Variants in STARD13 observed in about 807,000 individuals in gnomAD.
STARD13 encodes StAR related lipid transfer domain containing 13.
In STARD13, 62 loss-of-function variants were observed where a neutral mutation model predicts 106.4. The ratio of observed to expected loss-of-function variants is 0.58; its 90% CI spans 0.48 to 0.72. The LOEUF (loss-of-function observed/expected upper bound fraction) is 0.72. Ranked by LOEUF, STARD13 falls within the 30% of genes least tolerant of loss-of-function variation. The probability of loss-of-function intolerance (pLI) is 0.00; values close to 1 mark genes in which losing one functional copy is unlikely to be tolerated. For missense variants in STARD13, 1,387 were observed against 1,424.0 expected (o/e 0.97, Z 0.42); for synonymous variants, 565 against 553.0 (o/e 1.02, Z -0.31).
At chr13:33,674,817 T>C in the STARD13 span, among the ~76,000 whole-genome samples, 1 of 152,216 alleles carries the variant, frequency 6.6e-6, no homozygotes, top group Non-Finnish European at 1.5e-5. Context: ...TTTCATTTTA[T>C]TAAAACAAGA....
At chr13:33,217,606 G>A (rs1888118530) in intron 1 of STARD13, among the ~76,000 whole-genome samples, 1 of 152,134 alleles carries the variant, frequency 6.6e-6, no homozygotes, top group African/African-American at 2.4e-5. Flanking sequence ...ACTTAGCGCT[G>A]CATGAGCTCA....
intron 3 of STARD13, among the ~76,000 whole-genome samples, chr13:33,163,468 T>C (rs1289717915): frequency 2.0e-5 from 3 of 151,048 alleles, no homozygotes; most frequent in African/African-American, 7.3e-5. Flanking sequence ...CATATGCCTG[T>C]AGTCCCAGCT....
chr13:33,534,669 A>T, the STARD13 span, among the ~76,000 whole-genome samples: 1 of 152,180 alleles, frequency 6.6e-6, no homozygotes, highest in Non-Finnish European at 1.5e-5. Context: ...TGATTATAGA[A>T]CATTTCAGTG....
At chr13:33,274,100 T>TTC (rs1487563525) in intron 1 of STARD13, 2 of 151,562 alleles carry the variant, frequency 1.3e-5, no homozygotes, top group Non-Finnish European at 2.9e-5. Context: ...GTCTTTTTTT[T>TTC]TTTTGATGTA....
At chr13:33,248,392 CT>C (rs1470039634) in intron 1 of STARD13, among the ~76,000 whole-genome samples, 1 of 152,184 alleles carries the variant, frequency 6.6e-6, no homozygotes, top group Non-Finnish European at 1.5e-5. Context: ...ATTTAATAGA[CT>C]TTTAATAACA....
At chr13:33,638,755 G>A in the STARD13 span, among the ~76,000 whole-genome samples, 1 of 152,186 alleles carries the variant, frequency 6.6e-6, no homozygotes, top group African/African-American at 2.4e-5. Context: ...AGTACGTCCT[G>A]AACTAGTTTT....
At chr13:33,564,912 G>C in the STARD13 span, among the ~76,000 whole-genome samples, 1 of 142,914 alleles carries the variant, frequency 7.0e-6, no homozygotes, top group Non-Finnish European at 1.5e-5. Flanking sequence ...AGAATGGCTT[G>C]AACCTGGGAG....
Position 33,124,178 on chromosome 13 carries a change from T to C in STARD13, c.2082+1903A>G, listed in dbSNP as rs77899909. On this transcript the variant is annotated intron_variant, in intron 7 of 13. Transcript: ENST00000336934. ...CTTATGTTTCTCTAGTTCTCCCCTT[T>C]TCCTTCCTATTACCACCTTCCTTTT... Among the ~76,000 whole-genome samples, 307 of 152,314 alleles carry C rather than the reference T, an allele frequency of 2.0e-3. 1 individual carries two copies. Among genetic ancestry groups the C allele is most frequent in the African/African-American group, 7.0e-3 (291 of 41,556 alleles).
In STARD13 at chr13:33,350,229, C is replaced by G. The variant is rs1031612299; in HGVS notation, c.124+61G>C. ...AGCAGAGGAGGGCGGCGGGCCCGGGCGGGCTACGGGGCCGGCGCCTCCCCC... is the reference window on the plus strand; with the variant it reads ...AGCAGAGGAGGGCGGCGGGCCCGGGGGGGCTACGGGGCCGGCGCCTCCCCC... On this transcript the variant is annotated intron_variant, in intron 1 of 1. Coordinates refer to the STARD13 transcript ENST00000439831. 7 of 1,462,654 alleles carry G rather than the reference C, an allele frequency of 4.8e-6. No homozygotes were observed. The South Asian group carries it at 8.2e-5, about 17-fold the overall frequency. The allele number at this position is 1,462,654 out of a possible 1,614,324, so 90.6% of individuals were successfully genotyped here. A position where few individuals can be genotyped will look rare whatever the true frequency, so the allele number is the denominator to read the frequency against.
At chr13:33,122,832 A>C (rs1876547593) in intron 7 of STARD13, among the ~76,000 whole-genome samples, 1 of 152,076 alleles carries the variant, frequency 6.6e-6, no homozygotes, top group Non-Finnish European at 1.5e-5. Context: ...AGGCGGGTGG[A>C]TCACCTGAGG....
chr13:33,330,138 T>C (rs2077820564), intron 1 of STARD13, among the ~76,000 whole-genome samples: 1 of 152,256 alleles, frequency 6.6e-6, no homozygotes, highest in Non-Finnish European at 1.5e-5. Context: ...CTTGATCATA[T>C]GTTCCATTCT....
chr13:33,571,048 T>G, the STARD13 span, among the ~76,000 whole-genome samples: 15 of 152,188 alleles, frequency 9.9e-5, no homozygotes, highest in South Asian at 4.1e-4. Context: ...AATCCTTTGG[T>G]AAAGACTCTA....
intron 1 of STARD13, among the ~76,000 whole-genome samples, chr13:33,334,700 A>G (rs1294049988): frequency 6.6e-6 from 1 of 152,188 alleles, no homozygotes; most frequent in Non-Finnish European, 1.5e-5. Flanking sequence ...GAGAGAGATA[A>G]AGGTATCTGA....
the STARD13 span, among the ~76,000 whole-genome samples, chr13:33,555,559 A>G: frequency 7.9e-5 from 12 of 152,328 alleles, no homozygotes; most frequent in East Asian, 1.9e-3. Flanking sequence ...TAAGCTGCTG[A>G]TCATCCCAAA....
rs148735833 is a variant in STARD13, at chr13:33,162,844, C to G, written c.323+2493G>C. 3.7e-3 allele frequency among the ~76,000 whole-genome samples: 568 copies of G among 152,222 alleles called. 1 individual carries two copies. Among genetic ancestry groups the G allele is most frequent in the Non-Finnish European group, 6.4e-3 (435 of 68,014 alleles). ...TGTCTTCTTCTGAGCCTTCCACACTCTTTCAACTTCTGCCTGATACCCAGT... is the reference window on the plus strand; with the variant it reads ...TGTCTTCTTCTGAGCCTTCCACACTGTTTCAACTTCTGCCTGATACCCAGT... On this transcript the variant is annotated intron_variant, in intron 3 of 13. Coordinates refer to ENST00000336934, the MANE Select transcript of STARD13 (RefSeq NM_178006.4).
chr13:33,143,265 T>C (rs541971220), intron 3 of STARD13, among the ~76,000 whole-genome samples: 2 of 152,342 alleles, frequency 1.3e-5, no homozygotes, highest in East Asian at 1.9e-4. Context: ...AGCATTTCTT[T>C]CATTTCGTTG....
the STARD13 span, among the ~76,000 whole-genome samples, chr13:33,652,105 G>A: frequency 4.0e-4 from 61 of 152,282 alleles, 1 homozygote; most frequent in African/African-American, 1.3e-3. Context: ...AATGCTTATT[G>A]TTTCAATCCA....
Position 33,115,635 on chromosome 13 carries a change from G to C in STARD13, c.2281+2430C>G, listed in dbSNP as rs549950067. On this transcript the variant is annotated intron_variant, in intron 8 of 13. Coordinates refer to ENST00000336934, the MANE Select transcript of STARD13 (RefSeq NM_178006.4). ...CTCAGACCCAGGGATGAACCATGCT[G>C]CCCTAAACCAAAACTGGTAACCCAG... is the stretch of plus-strand genomic sequence containing the variant. Among the ~76,000 whole-genome samples, 268 of 152,282 alleles carry C rather than the reference G, an allele frequency of 1.8e-3. 2 individuals carry two copies. Among genetic ancestry groups the C allele is most frequent in the African/African-American group, 6.1e-3 (253 of 41,542 alleles).
intron 1 of STARD13, among the ~76,000 whole-genome samples, chr13:33,339,681 C>A (rs367938463): frequency 6.6e-6 from 1 of 152,078 alleles, no homozygotes; most frequent in Non-Finnish European, 1.5e-5. Context: ...AGAATAAAAC[C>A]TTCTATAAGA....
Sources: gnomAD v4.1 joint callset for allele counts (sites outside exome capture counted in the v4.1 genomes callset) on GRCh38, gnomAD v4.1.1 for gene constraint, MANE v1.5 for transcripts, NCBI Gene and HGNC (gene_info 2026-07-23, HGNC 2026-07-21) for gene names.